PLXNA2: variants seen among roughly 807,000 people sequenced by gnomAD.
PLXNA2 encodes the protein plexin A2.
A neutral mutation model predicts 193.5 loss-of-function variants in PLXNA2; 91 were observed. That is an observed-to-expected ratio of 0.47 (90% CI 0.40 to 0.56). PLXNA2 has a LOEUF of 0.56. PLXNA2 is among the 20% of genes least tolerant of loss of function. The pLI is 0.00. For missense variants in PLXNA2, 1,995 were observed against 2,503.2 expected (o/e 0.80, Z 4.33); for synonymous variants, 997 against 1,027.3 (o/e 0.97, Z 0.56).
intron 3 of PLXNA2, among the ~76,000 whole-genome samples, chr1:208,171,685 C>A (rs12137551): frequency 1.3e-5 from 2 of 151,890 alleles, no homozygotes; most frequent in African/African-American, 4.8e-5. Flanking sequence ...CCTGTTTCTG[C>A]GATAAATAAA....
intron 5 of PLXNA2, among the ~76,000 whole-genome samples, chr1:208,101,204 CT>C (rs1667086565): frequency 6.6e-6 from 1 of 152,206 alleles, no homozygotes; most frequent in Non-Finnish European, 1.5e-5. Context: ...CAATAACACA[CT>C]TGCAAGAGCA....
Position 208,030,158 on chromosome 1 carries a change from G to C in PLXNA2, c.5226-1116C>G, listed in dbSNP as rs1272416648. On this transcript the variant is annotated intron_variant, in intron 29 of 31. Coordinates refer to ENST00000367033, the MANE Select transcript of PLXNA2 (RefSeq NM_025179.4). The stretch of plus-strand genomic sequence containing the variant: ...AGGATCCCTCACTTTCCTCTAGCCT[G>C]GGAGAAGCTGCTGCAGCTGAGAGCT... 5.1e-6 allele frequency: 5 copies of C among 985,408 alleles called. No homozygotes were observed. The Admixed American group carries it at 3.1e-4, about 61-fold the overall frequency. The allele number at this position is 985,408 out of a possible 1,614,324, so 61.0% of individuals were successfully genotyped here. A position where few individuals can be genotyped will look rare whatever the true frequency, so the allele number is the denominator to read the frequency against.
chr1:208,244,236 C>T lies in PLXNA2; in HGVS notation c.-674G>A, dbSNP rs1030483300. 1.9e-4 allele frequency: 33 copies of T among 176,606 alleles called. No homozygotes were observed. Among genetic ancestry groups the T allele is most frequent in the Non-Finnish European group, 3.4e-4 (29 of 84,524 alleles). The allele number at this position is 176,606 out of a possible 1,614,324, so 10.9% of individuals were successfully genotyped here. A position where few individuals can be genotyped will look rare whatever the true frequency, so the allele number is the denominator to read the frequency against. On this transcript the variant is annotated 5_prime_UTR_variant, in exon 1 of 32. Transcript: ENST00000367033. ...TCGGCTGAAAAATTCCCAGCAACTGCCCTCCGCCGCCCTCCCGCTCCAGTC... is the reference window on the plus strand; with the variant it reads ...TCGGCTGAAAAATTCCCAGCAACTGTCCTCCGCCGCCCTCCCGCTCCAGTC...
chr1:208,079,379 A>C lies in PLXNA2; in HGVS notation c.2467T>G (p.Cys823Gly). The change falls in exon 12 of 32, where the codon TGT becomes GGT. Residue 823 changes from cysteine (C) to glycine (G), a missense_variant. By Grantham distance (159) the Cys-to-Gly change is radical. Around this residue, in one of 3 missense-constraint regions of PLXNA2, gnomAD observed 1,291 missense variants for 1,673.6 expected, o/e 0.77. Coordinates refer to ENST00000367033, the MANE Select transcript of PLXNA2 (RefSeq NM_025179.4). Reference sequence around the variant, plus strand: ...CTGCGCTCGCCGCTGCACCAGCCACACTCAAACTTCCGGTCGGCCTTGAGG... The same window carrying C: ...CTGCGCTCGCCGCTGCACCAGCCACCCTCAAACTTCCGGTCGGCCTTGAGG... ...LCLKADRKFE[C>G]GWCSGERRCT... 6.2e-7 allele frequency: 1 copy of C among 1,613,828 alleles called. No homozygotes were observed. The highest frequency in any genetic ancestry group is 8.5e-7 in the Non-Finnish European group (1 of 1,179,894).
At chr1:208,181,452 T>C (rs1324996702) in intron 3 of PLXNA2, among the ~76,000 whole-genome samples, 3 of 152,210 alleles carry the variant, frequency 2.0e-5, no homozygotes, top group Non-Finnish European at 4.4e-5. Context: ...GCTCAGGAGA[T>C]GAAAGTCTGA....
intron 13 of PLXNA2, among the ~76,000 whole-genome samples, chr1:208,058,498 C>T (rs922248976): frequency 3.3e-5 from 5 of 152,212 alleles, no homozygotes; most frequent in African/African-American, 7.2e-5. Context: ...ACATCTGTAA[C>T]GATTGTGCCT....
At chr1:208,209,634 C>T (rs1390757384) in intron 3 of PLXNA2, among the ~76,000 whole-genome samples, 1 of 152,140 alleles carries the variant, frequency 6.6e-6, no homozygotes, top group Non-Finnish European at 1.5e-5. Context: ...CAGCCTGTGC[C>T]CTCCAGCTGG....
intron 3 of PLXNA2, among the ~76,000 whole-genome samples, chr1:208,165,631 C>T (rs1010813298): frequency 1.3e-5 from 2 of 152,144 alleles, no homozygotes; most frequent in African/African-American, 2.4e-5. Flanking sequence ...CTCAAAACCC[C>T]GCAAGCCCAG....
Position 208,217,944 on chromosome 1 carries a change from G to A in PLXNA2, c.-22C>T, listed in dbSNP as rs763167005. 1.9e-6 allele frequency: 3 copies of A among 1,601,956 alleles called. No homozygotes were observed. The highest frequency in any genetic ancestry group is 1.1e-5 in the South Asian group (1 of 90,898). ...CCATGCTGAGAGGGGCGGCGGTGAG[G>A]AGACGGCTCCTGTGTGTGCTCATCT... On this transcript the variant is annotated 5_prime_UTR_variant, in exon 2 of 32. Transcript: ENST00000367033. The surrounding 1 kb of genome is among the most constrained non-coding windows in gnomAD (Gnocchi z 4.7).
intron 3 of PLXNA2, among the ~76,000 whole-genome samples, chr1:208,149,009 C>T (rs138497541): frequency 4.6e-5 from 7 of 152,188 alleles, no homozygotes; most frequent in East Asian, 1.9e-4. Flanking sequence ...AGTTATTGAG[C>T]GCTCAACATC....
chr1:208,173,431 C>T (rs750938982), intron 3 of PLXNA2, among the ~76,000 whole-genome samples: 18 of 152,122 alleles, frequency 1.2e-4, no homozygotes, highest in Non-Finnish European at 2.5e-4. Context: ...TTATTTAATC[C>T]TTGCAACAAG....
In PLXNA2 at chr1:208,096,115, C is replaced by T. The variant is rs1166124082; in HGVS notation, c.1896G>A (p.Gly632=). 6.2e-7 allele frequency: 1 copy of T among 1,613,898 alleles called. No homozygotes were observed. The highest frequency in any genetic ancestry group is 8.5e-7 in the Non-Finnish European group (1 of 1,179,800). Reference sequence around the variant, plus strand: ...CCTTGGACCTCAGCTGTAGCTCCAGCCCAAACCAGTCTGGAAAAACAAACA... The same window carrying T: ...CCTTGGACCTCAGCTGTAGCTCCAGTCCAAACCAGTCTGGAAAAACAAACA... ...PVIPLDQDWF[G]LELQLRSKET... Residue 632 remains glycine, a synonymous_variant, in exon 8 of 32, where the codon GGG becomes GGA. Transcript: ENST00000367033.
At chr1:208,041,256 T>C (rs1172121167) in intron 22 of PLXNA2, among the ~76,000 whole-genome samples, 1 of 152,264 alleles carries the variant, frequency 6.6e-6, no homozygotes, top group African/African-American at 2.4e-5. Context: ...GAGACCTTGC[T>C]AGAGGAAGGC....
At chr1:208,124,900 G>A (rs1049566537) in intron 4 of PLXNA2, among the ~76,000 whole-genome samples, 4 of 152,116 alleles carry the variant, frequency 2.6e-5, no homozygotes, top group Admixed American at 6.5e-5. Flanking sequence ...CGGCAGTAAT[G>A]GTATAGGCCA....
chr1:208,031,499 A>G, intron 29 of PLXNA2, 91 bp downstream of exon 29: 1 of 1,507,590 alleles, frequency 6.6e-7, no homozygotes, highest in Non-Finnish European at 9.2e-7. Context: ...AGAATAGGCT[A>G]TCCTCCCACC....
Position 208,038,587 on chromosome 1 carries a change from T to C in PLXNA2, c.4661-113A>G. On this transcript the variant is annotated intron_variant, in intron 25 of 31. Transcript: ENST00000367033. This position sits in a 1 kb window ranked among gnomAD's most constrained non-coding sequence, Gnocchi z 4.1. ...TGGCAACCCGGCCCCCTCAAGCTGG[T>C]ACCAATAACAGAGGCTAGAGACATC... 3 of 896,098 alleles carry C rather than the reference T, an allele frequency of 3.3e-6. No individual in the cohort carries two copies. Among genetic ancestry groups the C allele is most frequent in the South Asian group, 2.9e-5 (2 of 69,670 alleles). 55.5% of individuals were successfully genotyped at this position (896,098 alleles called of 1,614,324 possible).
chr1:208,151,575 T>C (rs772920157), intron 3 of PLXNA2, among the ~76,000 whole-genome samples: 2 of 152,216 alleles, frequency 1.3e-5, no homozygotes, highest in Non-Finnish European at 2.9e-5. Flanking sequence ...TTCCTGGGAC[T>C]GGATATACAT....
At chr1:208,094,729 C>T (rs1558188713) in intron 8 of PLXNA2, among the ~76,000 whole-genome samples, 1 of 152,228 alleles carries the variant, frequency 6.6e-6, no homozygotes, top group African/African-American at 2.4e-5. Flanking sequence ...CCCACCAGGC[C>T]ATTTCTATCA....
In PLXNA2 at chr1:208,217,027, C is replaced by A; in HGVS notation, c.896G>T (p.Gly299Val). Reference sequence around the variant, plus strand: ...GTATTCCACCCCGGCCCGGGTGCAGCCGAAGGGCAGGGACACGTATGAGTG... The same window carrying A: ...GTATTCCACCCCGGCCCGGGTGCAGACGAAGGGCAGGGACACGTATGAGTG... ...KFHSYVSLPFGCTRAGVEYRL... is the reference protein window; with the variant it reads ...KFHSYVSLPFVCTRAGVEYRL... Residue 299 changes from glycine (G) to valine (V), a missense_variant, in exon 2 of 32, where the codon GGC becomes GTC. By Grantham distance (109) the Gly-to-Val change is moderately radical. This residue lies in a region of PLXNA2 where 702 missense variants were observed against 812.9 expected (regional missense o/e 0.86). Coordinates refer to ENST00000367033, the MANE Select transcript of PLXNA2 (RefSeq NM_025179.4). This position sits in a 1 kb window ranked among gnomAD's most constrained non-coding sequence, Gnocchi z 4.7. 6.2e-7 allele frequency: 1 copy of A among 1,611,772 alleles called. No homozygotes were observed. Among genetic ancestry groups the A allele is most frequent in the Non-Finnish European group, 8.5e-7 (1 of 1,178,366 alleles).
Sources: allele counts gnomAD v4.1 joint callset (sites outside exome capture counted in the v4.1 genomes callset), GRCh38; gene constraint gnomAD v4.1.1; regional missense constraint gnomAD v4.1.1; non-coding constraint Gnocchi (gnomAD v3.1); transcripts MANE v1.5; gene names NCBI Gene and HGNC (gene_info 2026-07-23, HGNC 2026-07-21).